The following CCDC159 variants were observed in gnomAD, a reference collection of about 807,000 sequenced individuals.
CCDC159 encodes coiled-coil domain-containing protein 159.
Under a neutral mutation model 50.9 loss-of-function variants are expected in CCDC159, and 40 were observed. The ratio of observed to expected loss-of-function variants is 0.79; its 90% CI spans 0.61 to 1.02. CCDC159 has a LOEUF of 1.02. Among genes scored for constraint, CCDC159 ranks in the 50% least tolerant of loss-of-function variants. The probability of loss-of-function intolerance (pLI) is 0.00; values close to 1 mark genes in which losing one functional copy is unlikely to be tolerated. For synonymous variants in CCDC159, 146 were observed against 138.9 expected (o/e 1.05, Z -0.36); for missense variants, 356 against 371.5 (o/e 0.96, Z 0.34).
chr19:11,349,716 T>C (rs1967465459), intron 2 of CCDC159, 29 bp downstream of exon 2: 3 of 1,544,680 alleles, frequency 1.9e-6, no homozygotes, highest in Non-Finnish European at 2.7e-6. Flanking sequence ...AACAAAACTG[T>C]GTGGGGAAGA....
In CCDC159 at chr19:11,350,131, T is replaced by C. The variant is rs1967489033; in HGVS notation, c.158T>C (p.Leu53Pro). 2.5e-6 allele frequency: 4 copies of C among 1,613,588 alleles called. No homozygotes were observed. The highest frequency in any genetic ancestry group is 8.5e-7 in the Non-Finnish European group (1 of 1,179,748). Residue 53 changes from leucine (L) to proline (P), a missense_variant, in exon 4 of 11, where the codon CTG (leucine) becomes CCG (proline). Transcript: ENST00000458408. ...TCTTTCCCCCAGGCTTTCGAGTTCC[T>C]GAACCACTCAGTGACCATGTTGGAG... ...LQAQTKAFEF[L>P]NHSVTMLEKE...
In CCDC159 at chr19:11,350,797, A is replaced by C. The variant is rs1341885824; in HGVS notation, c.227-11A>C. The C allele has an allele frequency of 6.5e-7, 1 of 1,539,906 alleles. No individual in the cohort carries two copies. The highest frequency in any genetic ancestry group is 1.2e-5 in the South Asian group (1 of 82,522). ...GATCAGGGCTCAGTCAAGGTCCCAC[A>C]CTCTCTGCAGAGGTGCTGAGCCCCA... is the stretch of plus-strand genomic sequence containing the variant. On this transcript the variant is annotated splice_polypyrimidine_tract_variant and intron_variant, in intron 4 of 10. Coordinates refer to ENST00000458408, the MANE Select transcript of CCDC159 (RefSeq NM_001080503.3).
chr19:11,354,901 A>T lies in CCDC159; in HGVS notation c.*24A>T. The T allele has an allele frequency of 6.2e-7, 1 of 1,613,124 alleles. No homozygotes were observed. The highest frequency in any genetic ancestry group is 8.5e-7 in the Non-Finnish European group (1 of 1,179,404). ...GAGCAGCCGGGACTGCTCTCCCTGA[A>T]GACCCCTCCAGAGAGAAAATAAACT... On this transcript the variant is annotated 3_prime_UTR_variant, in exon 11 of 11. Coordinates refer to ENST00000458408, the MANE Select transcript of CCDC159 (RefSeq NM_001080503.3).
At chr19:11,350,261 C>G in intron 4 of CCDC159, 62 bp downstream of exon 4, 3 of 1,460,192 alleles carry the variant, frequency 2.1e-6, no homozygotes, top group East Asian at 2.4e-5. Flanking sequence ...CGCCTGTAAT[C>G]CCAGCATTTG....
chr19:11,354,552 ACATT>A, intron 9 of CCDC159, 24 bp from the exon 10 acceptor site: 2 of 1,550,050 alleles, frequency 1.3e-6, no homozygotes, highest in Non-Finnish European at 1.7e-6. Context: ...CTTGAGGGTC[ACATT>A]CAGGGAACCT....
chr19:11,349,769 T>C (rs1599381752), intron 2 of CCDC159, 82 bp downstream of exon 2: 9 of 1,273,210 alleles, frequency 7.1e-6, no homozygotes, highest in Non-Finnish European at 1.0e-5. Context: ...GCATCAGCTG[T>C]CCCCCTGCCA....
In CCDC159 at chr19:11,346,577, C is replaced by G; in HGVS notation, c.-30C>G. 1.9e-6 allele frequency: 3 copies of G among 1,551,384 alleles called. No individual in the cohort carries two copies. The highest frequency in any genetic ancestry group is 2.7e-5 in the African/African-American group (2 of 73,170). On this transcript the variant is annotated 5_prime_UTR_variant, in exon 1 of 11. It introduces an in-frame stop codon into an upstream open reading frame of the 5' UTR. Transcript: ENST00000458408. ...TCCCCGCGGGATCAAACTTCAGCGT[C>G]ACAGCTGAGGACTGGCTTCGTGGTC...
At chr19:11,352,782 A>AG (rs1047516357) in intron 7 of CCDC159, among the ~76,000 whole-genome samples, 5 of 151,718 alleles carry the variant, frequency 3.3e-5, no homozygotes, top group Admixed American at 3.3e-4. Flanking sequence ...AACAAAAAAA[A>AG]CAAGAGGGTG....
Position 11,351,952 on chromosome 19 carries a change from A to T in CCDC159, c.469A>T (p.Thr157Ser). The T allele has an allele frequency of 6.2e-7, 1 of 1,606,388 alleles. No individual in the cohort carries two copies. Among genetic ancestry groups the T allele is most frequent in the African/African-American group, 1.3e-5 (1 of 74,584 alleles). The change falls in exon 6 of 11, where the codon ACC becomes TCC. Residue 157 changes from threonine (T) to serine (S), a missense_variant. By Grantham distance (58) the Thr-to-Ser change is moderately conservative (BLOSUM62 1). Coordinates refer to ENST00000458408, the MANE Select transcript of CCDC159 (RefSeq NM_001080503.3). ...EELELVREEV[T>S]FIYQKLQAQE... The stretch of plus-strand genomic sequence containing the variant: ...GCTGGAACTGGTGCGGGAGGAGGTG[A>T]CCTTCATCTATCAGAAGCTCCGTGA...
At chr19:11,350,684 T>C (rs530743954) in intron 4 of CCDC159, 124 bp from the exon 5 acceptor site, 4 of 905,004 alleles carry the variant, frequency 4.4e-6, no homozygotes, top group African/African-American at 3.5e-5. Context: ...GCTGGTCCTG[T>C]TGGGATCAGC....
chr19:11,354,854 C>A lies in CCDC159; in HGVS notation c.890-19C>A, dbSNP rs1452249612. 6.2e-7 allele frequency: 1 copy of A among 1,613,314 alleles called. No homozygotes were observed. Among genetic ancestry groups the A allele is most frequent in the South Asian group, 1.1e-5 (1 of 91,068 alleles). ...CCCCTGGACCTGGCCAGGCCCTGACCCACCCTCTCTCTCCACAGCTTGAGC... is the reference window on the plus strand; with the variant it reads ...CCCCTGGACCTGGCCAGGCCCTGACACACCCTCTCTCTCCACAGCTTGAGC... On this transcript the variant is annotated intron_variant, in intron 10 of 10. Coordinates refer to ENST00000458408, the MANE Select transcript of CCDC159 (RefSeq NM_001080503.3).
intron 9 of CCDC159, 26 bp downstream of exon 9, chr19:11,353,900 G>A: frequency 6.5e-7 from 1 of 1,529,854 alleles, no homozygotes; most frequent in Non-Finnish European, 8.8e-7. Context: ...AATTGCTCAG[G>A]GGTGGGAGGT....
At chr19:11,349,806 G>T in intron 2 of CCDC159, 119 bp downstream of exon 2, 1 of 1,179,744 alleles carries the variant, frequency 8.5e-7, no homozygotes. Flanking sequence ...CCTGCCCAAG[G>T]CTGAGTGGGC....
At chr19:11,354,924 A>ACTAGCCCAGACCCTCCT in exon 11 of CCDC159, 2 of 1,589,792 alleles carry the variant, frequency 1.3e-6, no homozygotes, top group Non-Finnish European at 1.7e-6. Context: ...GAGAAAATAA[A>ACTAGCCCAGACCCTCCT]CTAGCCCAGA....
intron 1 of CCDC159, 73 bp from the exon 2 acceptor site, chr19:11,349,581 A>C (rs1967457263): frequency 6.3e-7 from 1 of 1,590,356 alleles, no homozygotes; most frequent in Admixed American, 1.8e-5. Context: ...TCCAGCCCTC[A>C]AAACTGGGTT....
chr19:11,349,484 A>G, intron 1 of CCDC159, 170 bp from the exon 2 acceptor site: 3 of 765,494 alleles, frequency 3.9e-6, no homozygotes, highest in Non-Finnish European at 6.4e-6. Flanking sequence ...ATGTAGCCCA[A>G]GGGGGAGGTG....
In CCDC159 at chr19:11,350,791, T is replaced by TCC. The variant is rs1967526518; in HGVS notation, c.227-15_227-14dup. 6.5e-7 allele frequency: 1 copy of TCC among 1,535,886 alleles called. No homozygotes were observed. The highest frequency in any genetic ancestry group is 1.4e-5 in the African/African-American group (1 of 72,612). On this transcript the variant is annotated splice_polypyrimidine_tract_variant and intron_variant, in intron 4 of 10. Transcript: ENST00000458408. The stretch of plus-strand genomic sequence containing the variant: ...GGGTGGGATCAGGGCTCAGTCAAGG[T>TCC]CCCACACTCTCTGCAGAGGTGCTGA...
rs1967672363 is a variant in CCDC159 at position 11,353,125 on chromosome 19, A to C, written c.568-326A>C. On this transcript the variant is annotated intron_variant, in intron 7 of 10. Coordinates refer to ENST00000458408, the MANE Select transcript of CCDC159 (RefSeq NM_001080503.3). ...TATTTTGTTTTCTTTTTTGAGACGG[A>C]GTTTCCCTCTTGTTGCCCAGGCTGG... Among the ~76,000 whole-genome samples the C allele has an allele frequency of 2.0e-5, 3 of 151,800 alleles. No individual in the cohort carries two copies. In the South Asian group the frequency reaches 6.3e-4, roughly 32 times the overall value.
chr19:11,350,220 A>C (rs1207846134), intron 4 of CCDC159, 21 bp downstream of exon 4: 1 of 1,600,154 alleles, frequency 6.2e-7, no homozygotes, highest in African/African-American at 1.3e-5. Flanking sequence ...ACCAGAGATC[A>C]AGGTCAGGCT....
Sources: allele counts gnomAD v4.1 joint callset (sites outside exome capture counted in the v4.1 genomes callset), GRCh38; gene constraint gnomAD v4.1.1; transcripts MANE v1.5; gene names NCBI Gene and HGNC (gene_info 2026-07-23, HGNC 2026-07-21).